The following PSD3 variants were observed in gnomAD, a reference collection of about 807,000 sequenced individuals.
PSD3 encodes the protein pleckstrin and Sec7 domain containing 3, also known as PH and SEC7 domain-containing protein 3.
Under a neutral mutation model 105.5 loss-of-function variants are expected in PSD3, and 49 were observed. The ratio of observed to expected loss-of-function variants is 0.46; its 90% CI spans 0.37 to 0.59. The LOEUF is 0.59. Among genes scored for constraint, PSD3 ranks in the 20% least tolerant of loss-of-function variants. PSD3 has a pLI of 0.00. For synonymous variants in PSD3, 557 were observed against 457.8 expected (o/e 1.22, Z -2.77); for missense variants, 1,561 against 1,263.8 (o/e 1.24, Z -3.57).
At chr8:18,735,435 T>C (rs1428349202) in intron 9 of PSD3, among the ~76,000 whole-genome samples, 2 of 152,160 alleles carry the variant, frequency 1.3e-5, no homozygotes, top group African/African-American at 4.8e-5. Flanking sequence ...CGTACCCAAG[T>C]GGACACACTA....
intron 2 of PSD3, among the ~76,000 whole-genome samples, chr8:18,930,239 A>G (rs1346489433): frequency 6.6e-6 from 1 of 152,176 alleles, no homozygotes; most frequent in African/African-American, 2.4e-5. Flanking sequence ...AGAGCCAATT[A>G]CCCACAGGTG....
chr8:18,899,348 A>G (rs1449345453), intron 2 of PSD3, among the ~76,000 whole-genome samples: 3 of 152,142 alleles, frequency 2.0e-5, no homozygotes, highest in Non-Finnish European at 4.4e-5. Context: ...AATCCTGTGA[A>G]GTCCTGCACA....
intron 10 of PSD3, among the ~76,000 whole-genome samples, chr8:18,640,808 A>G (rs1374571553): frequency 6.6e-6 from 1 of 152,058 alleles, no homozygotes; most frequent in Non-Finnish European, 1.5e-5. Flanking sequence ...CCACTGACCT[A>G]CCTTTGAGTG....
At chr8:18,600,310 C>G (rs1181942053) in intron 12 of PSD3, 54 bp downstream of exon 12, 1 of 1,453,502 alleles carries the variant, frequency 6.9e-7, no homozygotes, top group Non-Finnish European at 9.6e-7. Flanking sequence ...TATACTGGAC[C>G]TCATGTAATT....
At chr8:18,869,832 T>C (rs1817209952) in intron 3 of PSD3, among the ~76,000 whole-genome samples, 1 of 152,222 alleles carries the variant, frequency 6.6e-6, no homozygotes, top group African/African-American at 2.4e-5. Flanking sequence ...AGCATGTTTA[T>C]GTGATCAATG....
chr8:18,669,024 T>G (rs893313794), intron 9 of PSD3, among the ~76,000 whole-genome samples: 1 of 152,234 alleles, frequency 6.6e-6, no homozygotes, highest in Non-Finnish European at 1.5e-5. Context: ...GCACATGAAT[T>G]GATGGTTTAT....
chr8:18,977,547 T>C lies in PSD3; in HGVS notation c.21+36016A>G, dbSNP rs532616099. On this transcript the variant is annotated intron_variant, in intron 1 of 15. Coordinates refer to ENST00000327040, the MANE Select transcript of PSD3 (RefSeq NM_015310.4). ...AGATAATGGGCCTTTTTATTTTCTT[T>C]ATGCTTATCTGTATTTAAAAAGATA... Among the ~76,000 whole-genome samples, 62 of 152,340 alleles carry C rather than the reference T, an allele frequency of 4.1e-4. No homozygotes were observed. The South Asian group carries it at 0.012, about 30-fold the overall frequency.
chr8:18,640,996 G>T (rs1807602391), intron 10 of PSD3, among the ~76,000 whole-genome samples: 1 of 152,128 alleles, frequency 6.6e-6, no homozygotes, highest in African/African-American at 2.4e-5. Flanking sequence ...AGGCTTGGTG[G>T]CCACTCAGGT....
intron 1 of PSD3, among the ~76,000 whole-genome samples, chr8:18,985,486 T>C (rs1041719964): frequency 6.6e-6 from 1 of 152,214 alleles, no homozygotes; most frequent in Non-Finnish European, 1.5e-5. Flanking sequence ...TAAGAGATGA[T>C]ATAAAACATA....
chr8:18,847,694 A>G (rs557544211), intron 4 of PSD3, among the ~76,000 whole-genome samples: 1 of 152,328 alleles, frequency 6.6e-6, no homozygotes, highest in Non-Finnish European at 1.5e-5. Flanking sequence ...GAGAGAGATG[A>G]AGAACTTAGA....
chr8:18,739,304 T>C (rs758955638), intron 9 of PSD3, among the ~76,000 whole-genome samples: 4 of 152,088 alleles, frequency 2.6e-5, no homozygotes, highest in Non-Finnish European at 5.9e-5. Context: ...GTAAGCTATT[T>C]AAGGGAAAAA....
chr8:19,046,352 TG>T (rs1828318072), intron 1 of PSD3, among the ~76,000 whole-genome samples: 1 of 152,076 alleles, frequency 6.6e-6, no homozygotes, highest in Admixed American at 6.6e-5. Context: ...CCTCGTGATC[TG>T]CCCGCCTCAG....
intron 15 of PSD3, 97 bp from the exon 16 acceptor site, chr8:18,536,055 G>T: frequency 8.4e-7 from 1 of 1,196,170 alleles, no homozygotes; most frequent in Non-Finnish European, 1.2e-6. Flanking sequence ...AGTGTGAATG[G>T]CTGTTGAAGA....
chr8:18,608,316 G>T (rs1019055032), intron 11 of PSD3, among the ~76,000 whole-genome samples: 5 of 152,174 alleles, frequency 3.3e-5, no homozygotes, highest in Non-Finnish European at 7.4e-5. Context: ...ACAGTAAATG[G>T]TCTGTACCAG....
chr8:18,884,351 T>C (rs1305297362), intron 2 of PSD3, among the ~76,000 whole-genome samples: 1 of 152,186 alleles, frequency 6.6e-6, no homozygotes, highest in Non-Finnish European at 1.5e-5. Context: ...ATAGTAAAAT[T>C]TGTATTAAAA....
intron 10 of PSD3, among the ~76,000 whole-genome samples, chr8:18,634,261 CT>C (rs906011003): frequency 2.0e-5 from 3 of 151,628 alleles, no homozygotes; most frequent in East Asian, 1.9e-4. Flanking sequence ...GAAAAACAGC[CT>C]TTTTTTTCTC....
chr8:18,605,264 T>A (rs745415030), intron 11 of PSD3, among the ~76,000 whole-genome samples: 7 of 152,132 alleles, frequency 4.6e-5, no homozygotes, highest in Non-Finnish European at 1.0e-4. Flanking sequence ...AGCCTACCCC[T>A]CATACCAGTG....
intron 4 of PSD3, among the ~76,000 whole-genome samples, chr8:18,828,543 G>C (rs1390783257): frequency 6.6e-6 from 1 of 152,020 alleles, no homozygotes; most frequent in Non-Finnish European, 1.5e-5. Context: ...GCTCATGTCT[G>C]TAATCCCAGC....
chr8:18,872,310 T>C lies in PSD3; in HGVS notation c.554A>G (p.Lys185Arg), dbSNP rs745474730. 4.3e-6 allele frequency: 7 copies of C among 1,614,164 alleles called. No individual in the cohort carries two copies. In the Admixed American group the frequency reaches 6.7e-5, roughly 15 times the overall value. Residue 185 changes from lysine (K) to arginine (R), a missense_variant, in exon 3 of 16, where the codon AAA (lysine) becomes AGA (arginine). Physicochemically the swap from Lys to Arg is conservative, Grantham distance 26. Coordinates refer to ENST00000327040, the MANE Select transcript of PSD3 (RefSeq NM_015310.4). ...TASRKTQRVN[K>R]TLPAGQKNLP... Reference sequence around the variant, plus strand: ...ATTTTTTTGGCCAGCAGGGAGCGTTTTGTTGACTCTCTGTGTTTTACGACT... The same window carrying C: ...ATTTTTTTGGCCAGCAGGGAGCGTTCTGTTGACTCTCTGTGTTTTACGACT...
Sources: allele counts gnomAD v4.1 joint callset (sites outside exome capture counted in the v4.1 genomes callset), GRCh38; gene constraint gnomAD v4.1.1; transcripts MANE v1.5; gene names NCBI Gene and HGNC (gene_info 2026-07-23, HGNC 2026-07-21).